The following ZFAT variants were observed in gnomAD, a reference collection of about 807,000 sequenced individuals.
ZFAT encodes zinc finger protein ZFAT.
Under a neutral mutation model 117.7 loss-of-function variants are expected in ZFAT, and 64 were observed. The observed-to-expected ratio is 0.54, with a 90% CI of 0.44 to 0.67. ZFAT has a LOEUF of 0.67. ZFAT is among the 30% of genes least tolerant of loss of function. The probability of loss-of-function intolerance (pLI) is 0.00; values close to 1 mark genes in which losing one functional copy is unlikely to be tolerated. For missense variants in ZFAT, 1,433 were observed against 1,584.5 expected (o/e 0.90, Z 1.62); for synonymous variants, 679 against 615.0 (o/e 1.10, Z -1.54).
the ZFAT span, among the ~76,000 whole-genome samples, chr8:134,777,028 G>C: frequency 6.6e-6 from 1 of 152,210 alleles, no homozygotes. Flanking sequence ...GGTAGAAAGA[G>C]TATGTGAAAT....
intron 2 of ZFAT, among the ~76,000 whole-genome samples, chr8:134,647,952 G>A (rs927661796): frequency 6.6e-6 from 1 of 151,998 alleles, no homozygotes; most frequent in African/African-American, 2.4e-5. Flanking sequence ...ATGCATCCTG[G>A]GAATCTAAGG....
At chr8:134,785,944 G>C in the ZFAT span, 2 of 152,084 alleles carry the variant, frequency 1.3e-5, no homozygotes, top group Admixed American at 1.3e-4. Flanking sequence ...ATAGAATACT[G>C]CTCCATTCAT....
the ZFAT span, among the ~76,000 whole-genome samples, chr8:134,739,783 A>G: frequency 4.6e-5 from 7 of 152,348 alleles, no homozygotes; most frequent in Non-Finnish European, 8.8e-5. Flanking sequence ...GGCAGAGTGT[A>G]GCAGAGGCTG....
Position 134,608,769 on chromosome 8 carries a change from T to G in ZFAT, c.745A>C (p.Ile249Leu). Residue 249 changes from isoleucine to leucine, a missense_variant, in exon 5 of 16, where the codon ATT becomes CTT. Ile to Leu is a conservative substitution (Grantham distance 5). Around this residue, in one of 5 missense-constraint regions of ZFAT, gnomAD observed 436 missense variants for 482.0 expected, o/e 0.90. Coordinates refer to ENST00000377838, the MANE Select transcript of ZFAT (RefSeq NM_020863.4). The part of the protein sequence containing the change: ...VPRRGYQEYA[I>L]QQTPYEQPMK... ...GGTTGCTCATAAGGTGTCTGCTGAA[T>G]GGCGTATTCCTGGTAGCCTCTCCGA... is the stretch of plus-strand genomic sequence containing the variant. The G allele has an allele frequency of 6.2e-7, 1 of 1,610,918 alleles. No individual in the cohort carries two copies. The highest frequency in any genetic ancestry group is 8.5e-7 in the Non-Finnish European group (1 of 1,178,854).
At chr8:134,580,377 AAT>A (rs2130834129) in intron 10 of ZFAT, among the ~76,000 whole-genome samples, 1 of 152,330 alleles carries the variant, frequency 6.6e-6, no homozygotes, top group Non-Finnish European at 1.5e-5. Context: ...GTAAAAAGCT[AAT>A]TCTATGGTTA....
At chr8:134,678,390 G>T (rs1353747582) in intron 1 of ZFAT, among the ~76,000 whole-genome samples, 1 of 152,158 alleles carries the variant, frequency 6.6e-6, no homozygotes, top group African/African-American at 2.4e-5. Flanking sequence ...TACAAGGGAT[G>T]TGAAGGACCT....
intron 1 of ZFAT, among the ~76,000 whole-genome samples, chr8:134,662,369 G>A (rs1338338916): frequency 6.6e-6 from 1 of 152,192 alleles, no homozygotes; most frequent in Non-Finnish European, 1.5e-5. Context: ...AGTCCTTAGT[G>A]ACAGAGAAGG....
intron 1 of ZFAT, among the ~76,000 whole-genome samples, chr8:134,687,928 G>C (rs1833407387): frequency 6.6e-6 from 1 of 152,170 alleles, no homozygotes; most frequent in Non-Finnish European, 1.5e-5. Flanking sequence ...GTAAAGGGCT[G>C]CCTGAAAGCC....
At chr8:134,804,698 C>G in the ZFAT span, among the ~76,000 whole-genome samples, 2 of 152,126 alleles carry the variant, frequency 1.3e-5, no homozygotes, top group Non-Finnish European at 2.9e-5. Context: ...CTGGGAAGCT[C>G]GAGACGGCAT....
intron 2 of ZFAT, among the ~76,000 whole-genome samples, chr8:134,646,771 T>C (rs1830922216): frequency 6.6e-6 from 1 of 151,952 alleles, no homozygotes; most frequent in Admixed American, 6.6e-5. Flanking sequence ...CTATCAACAA[T>C]TATATGCCAA....
the ZFAT span, chr8:134,784,385 GAAGT>G: frequency 6.6e-6 from 1 of 152,058 alleles, no homozygotes; most frequent in Non-Finnish European, 1.5e-5. Flanking sequence ...TGTTCTTTCA[GAAGT>G]ATGTAAAATT....
At chr8:134,822,613 G>T in the ZFAT span, among the ~76,000 whole-genome samples, 1 of 152,078 alleles carries the variant, frequency 6.6e-6, no homozygotes, top group East Asian at 1.9e-4. Flanking sequence ...GAGAGCATAA[G>T]TGTGAGAAAG....
At chr8:134,618,005 G>T (rs994217628) in intron 3 of ZFAT, among the ~76,000 whole-genome samples, 1 of 152,136 alleles carries the variant, frequency 6.6e-6, no homozygotes, top group East Asian at 1.9e-4. Flanking sequence ...GGTTCATCAG[G>T]GGTTTCCGCT....
chr8:134,497,542 T>C lies in ZFAT; in HGVS notation c.3492+12077A>G, dbSNP rs1241412326. ...AGCTGCTGGTTACACACAGAGCCGA[T>C]TTGGTAGGGTTGGGGTGGAGCCGGG... On this transcript the variant is annotated intron_variant, in intron 15 of 15. Transcript: ENST00000377838. Among the ~76,000 whole-genome samples the C allele has an allele frequency of 1.3e-4, 3 of 23,504 alleles. 1 individual carries two copies. Among genetic ancestry groups the C allele is most frequent in the Non-Finnish European group, 2.4e-4 (3 of 12,682 alleles). 15.4% of individuals were successfully genotyped at this position (23,504 alleles called of 152,430 possible).
chr8:134,830,280 A>G, the ZFAT span, among the ~76,000 whole-genome samples: 1 of 152,254 alleles, frequency 6.6e-6, no homozygotes, highest in South Asian at 2.1e-4. Context: ...GTATACAGAC[A>G]TATGTCAGCT....
chr8:134,755,817 C>CAAAAAAAAAAAAAAAAAAAA, the ZFAT span, among the ~76,000 whole-genome samples: 4 of 90,012 alleles, frequency 4.4e-5, no homozygotes, highest in Non-Finnish European at 8.6e-5. Flanking sequence ...GACTCCATCT[C>CAAAAAAAAAAAAAAAAAAAA]AAAAAAAAAA....
At chr8:134,513,846 G>A (rs16905162) in intron 13 of ZFAT, among the ~76,000 whole-genome samples, 27,827 of 152,176 alleles carry the variant, frequency 0.18, 4,447 homozygotes, top group African/African-American at 0.43. Context: ...AACTGGCCAA[G>A]TCCATTTAGG....
At chr8:134,783,005 T>A in the ZFAT span, among the ~76,000 whole-genome samples, 367 of 152,168 alleles carry the variant, frequency 2.4e-3, 1 homozygote, top group African/African-American at 8.3e-3. Flanking sequence ...ACACACACAT[T>A]TATTTTCAAC....
At position 134,542,254 on chromosome 8, in the gene ZFAT, C is replaced by T. The variant is rs181108445; in HGVS notation, c.2977-9282G>A. Among the ~76,000 whole-genome samples the T allele has an allele frequency of 1.1e-4, 16 of 152,338 alleles. No homozygotes were observed. In the East Asian group the frequency reaches 2.9e-3, roughly 28 times the overall value. Reference sequence around the variant, plus strand: ...TCAAGTCTCCAAACTGCCCTTCTTACCCTAGTCTTGATCCTGCCATTCTCT... The same window carrying T: ...TCAAGTCTCCAAACTGCCCTTCTTATCCTAGTCTTGATCCTGCCATTCTCT... On this transcript the variant is annotated intron_variant, in intron 11 of 15. Coordinates refer to ENST00000377838, the MANE Select transcript of ZFAT (RefSeq NM_020863.4).
Sources: allele counts gnomAD v4.1 joint callset (sites outside exome capture counted in the v4.1 genomes callset), GRCh38; gene constraint gnomAD v4.1.1; regional missense constraint gnomAD v4.1.1; transcripts MANE v1.5; gene names NCBI Gene and HGNC (gene_info 2026-07-23, HGNC 2026-07-21).